Variants in CYP24A1 observed in about 807,000 individuals in gnomAD.
The protein encoded by CYP24A1 is cytochrome P450 family 24 subfamily A member 1.
CYP24A1 carries 68 observed loss-of-function variants against 62.4 expected under a neutral mutation model. That is an observed-to-expected ratio of 1.09 (90% CI 0.90 to 1.33). The LOEUF is 1.33. Ranked by LOEUF, CYP24A1 falls within the 40% of genes most tolerant of loss-of-function variation. The pLI, the probability that CYP24A1 is intolerant of heterozygous loss-of-function variation, is 0.00. For missense variants in CYP24A1, 787 were observed against 653.0 expected, an observed-to-expected ratio of 1.21 and a Z score of -2.24; for synonymous variants, 267 against 253.0, an observed-to-expected ratio of 1.06 and a Z score of -0.52.
At chr20:54,167,729 C>T (rs927456796) in intron 4 of CYP24A1, among the ~76,000 whole-genome samples, 5 of 152,130 alleles carry the variant, frequency 3.3e-5, no homozygotes, top group Middle Eastern at 3.4e-3. Flanking sequence ...GCCGAGATCA[C>T]GCCGCTGCAC....
rs776602386 is a variant in CYP24A1, at chr20:54,159,113, C to T, written c.1001G>A (p.Ser334Asn). The change falls in exon 8 of 12, where the codon AGT (serine) becomes AAT (asparagine). Residue 334 changes from serine to asparagine, a missense_variant. Physicochemically the swap from Ser to Asn is conservative, Grantham distance 46. Transcript: ENST00000216862. ...TAAATTGTAGAGAATCCACATTAGA[C>T]TGTTTGCTGTCTGCAAGCCAAATGG... The part of the protein sequence containing the change: ...QLAAVETTAN[S>N]LMWILYNLSR... The T allele has an allele frequency of 6.2e-7, 1 of 1,613,340 alleles. No homozygotes were observed. Among genetic ancestry groups the T allele is most frequent in the Non-Finnish European group, 8.5e-7 (1 of 1,179,278 alleles).
At chr20:54,169,539 T>A in intron 4 of CYP24A1, 53 bp downstream of exon 4, 1 of 1,613,228 alleles carries the variant, frequency 6.2e-7, no homozygotes, top group African/African-American at 1.3e-5. Context: ...AGCCATGTTT[T>A]ATCCGCAAAA....
the CYP24A1 span, among the ~76,000 whole-genome samples, chr20:54,147,518 C>T: frequency 6.6e-6 from 1 of 152,292 alleles, no homozygotes; most frequent in South Asian, 2.1e-4. Flanking sequence ...GCTCAGGGGC[C>T]ACACAGACCA....
At position 54,157,219 on chromosome 20, in the gene CYP24A1, A is replaced by C; in HGVS notation, c.1505T>G (p.Val502Gly). Residue 502 changes from valine (V) to glycine (G), a missense_variant, in exon 11 of 12, where the codon GTG becomes GGG. By Grantham distance (109) the Val-to-Gly change is moderately radical. Coordinates refer to ENST00000216862, the MANE Select transcript of CYP24A1 (RefSeq NM_000782.5). Reference protein sequence around the residue: ...PVEMLHSGTLVPSRELPIAFC... With the variant: ...PVEMLHSGTLGPSRELPIAFC... ...CGCGATGGGGAGTTCCCGGCTGGGCACCAGGGTGCCTGAGTGTAGCATCTC... is the reference window on the plus strand; with the variant it reads ...CGCGATGGGGAGTTCCCGGCTGGGCCCCAGGGTGCCTGAGTGTAGCATCTC... 1.2e-6 allele frequency: 2 copies of C among 1,613,196 alleles called. No homozygotes were observed. The highest frequency in any genetic ancestry group is 3.3e-5 in the Admixed American group (2 of 60,030).
In CYP24A1 at chr20:54,173,034, G is replaced by A; in HGVS notation, c.324C>T (p.His108=). The A allele has an allele frequency of 6.2e-7, 1 of 1,609,824 alleles. No homozygotes were observed. Among genetic ancestry groups the A allele is most frequent in the Non-Finnish European group, 8.5e-7 (1 of 1,180,018 alleles). Residue 108 remains histidine (H), a synonymous_variant, in exon 2 of 12, where the codon CAC becomes CAT. Transcript: ENST00000216862. This position sits in a 1 kb window ranked among gnomAD's most constrained non-coding sequence, Gnocchi z 7.2. The part of the protein sequence containing the change: ...RMKLGSFESV[H]LGSPCLLEAL... ...CTTCCAGCAGGCATGGCGAGCCCAG[G>A]TGCACCGACTCAAAGGAACCCAACT...
intron 4 of CYP24A1, among the ~76,000 whole-genome samples, chr20:54,168,829 T>G (rs2092682618): frequency 1.7e-5 from 1 of 60,308 alleles, no homozygotes. Context: ...CTTCCTTCCT[T>G]CCCTCCCTCC....
chr20:54,147,829 C>A, the CYP24A1 span, among the ~76,000 whole-genome samples: 1 of 152,120 alleles, frequency 6.6e-6, no homozygotes, highest in South Asian at 2.1e-4. Context: ...CTGCTTCCAG[C>A]ACTCAGTTCT....
At chr20:54,148,324 G>GGTTTTGTCCTTCTTTTTCTCTCTTTT in the CYP24A1 span, among the ~76,000 whole-genome samples, 1 of 147,408 alleles carries the variant, frequency 6.8e-6, no homozygotes, top group Non-Finnish European at 1.5e-5. Flanking sequence ...TTACTACTTT[G>GGTTTTGTCCTTCTTTTTCTCTCTTTT]GTTTTGTCCT....
chr20:54,148,534 A>G (rs745389556), downstream of CYP24A1, among the ~76,000 whole-genome samples: 5 of 152,182 alleles, frequency 3.3e-5, no homozygotes, highest in Non-Finnish European at 5.9e-5. Context: ...GACTTCTTGA[A>G]GAAACAGATG....
chr20:54,172,738 A>G, intron 2 of CYP24A1, 171 bp downstream of exon 2: 1 of 1,451,702 alleles, frequency 6.9e-7, no homozygotes, highest in African/African-American at 1.4e-5. Flanking sequence ...ACCGACTCTA[A>G]TCTGTACAAG....
intron 4 of CYP24A1, among the ~76,000 whole-genome samples, chr20:54,168,789 T>C (rs2092682116): frequency 1.2e-5 from 1 of 85,590 alleles, no homozygotes; most frequent in Non-Finnish European, 2.3e-5. Context: ...CCTCCCTCCC[T>C]TCTGCCTTCC....
intron 2 of CYP24A1, 124 bp from the exon 3 acceptor site, chr20:54,171,794 TAGCCAGAGAATA>T: frequency 6.3e-7 from 1 of 1,576,734 alleles, no homozygotes; most frequent in East Asian, 2.3e-5. Flanking sequence ...TGCCAAGAAA[TAGCCAGAGAATA>T]TTAGCATCAG....
At chr20:54,165,092 C>T (rs958596464) in intron 5 of CYP24A1, among the ~76,000 whole-genome samples, 4 of 152,216 alleles carry the variant, frequency 2.6e-5, no homozygotes, top group South Asian at 4.1e-4. Context: ...CTTTATGTTA[C>T]GTGCATATAT....
rs531371253 is a variant in CYP24A1 at position 54,162,703 on chromosome 20, C to T, written c.990+14G>A. 3.2e-6 allele frequency: 5 copies of T among 1,564,788 alleles called. No individual in the cohort carries two copies. The highest frequency in any genetic ancestry group is 2.7e-5 in the African/African-American group (2 of 73,592). ...ACCGTTCATTTAGCAAACTCAAATC[C>T]AGCCCACCCTTACCGTTTCCACCGC... On this transcript the variant is annotated intron_variant, in intron 7 of 11. Transcript: ENST00000216862.
chr20:54,157,275 G>T lies in CYP24A1; in HGVS notation c.1449C>A (p.Tyr483Ter). Residue 483 changes from tyrosine (Y) to a stop codon, truncating the protein, a stop_gained, in exon 11 of 12, where the codon TAC becomes TAA. Transcript: ENST00000216862. LOFTEE classifies it high-confidence loss of function. ...GCTCATTGTCTGTGGCCTGGATGTC[G>T]TATTTGCGGACAATCTGTAATGCAC... is the stretch of plus-strand genomic sequence containing the variant. ...HLALCWIVRKYDIQATDNEPV... is the reference protein window; with the variant it reads ...HLALCWIVRK The T allele has an allele frequency of 1.2e-6, 2 of 1,607,964 alleles. No individual in the cohort carries two copies. Among genetic ancestry groups the T allele is most frequent in the South Asian group, 1.1e-5 (1 of 90,892 alleles).
rs1452816673 is a variant in CYP24A1, at chr20:54,173,484, C to T, written c.96G>A (p.Ala32=). The part of the protein sequence containing the change: ...RQPPRLVTST[A]YTSPQPREVP... Reference sequence around the variant, plus strand: ...CCTCTCGCGGCTGAGGGGACGTGTACGCCGTAGATGTCACCAGTCTCGGGG... The same window carrying T: ...CCTCTCGCGGCTGAGGGGACGTGTATGCCGTAGATGTCACCAGTCTCGGGG... The change falls in exon 1 of 12, where the codon GCG becomes GCA. Residue 32 remains alanine, a synonymous_variant. Coordinates refer to ENST00000216862, the MANE Select transcript of CYP24A1 (RefSeq NM_000782.5). The surrounding 1 kb of genome is among the most constrained non-coding windows in gnomAD (Gnocchi z 7.2). 1.3e-6 allele frequency: 2 copies of T among 1,565,518 alleles called. No homozygotes were observed. The highest frequency in any genetic ancestry group is 1.7e-6 in the Non-Finnish European group (2 of 1,155,194).
chr20:54,171,531 C>T, intron 3 of CYP24A1, 46 bp downstream of exon 3: 1 of 1,613,592 alleles, frequency 6.2e-7, no homozygotes, highest in Non-Finnish European at 8.5e-7. Flanking sequence ...CACCAATATC[C>T]CTATGTCCCC....
intron 3 of CYP24A1, among the ~76,000 whole-genome samples, chr20:54,171,041 AC>A (rs1353064260): frequency 6.6e-6 from 1 of 152,180 alleles, no homozygotes; most frequent in Non-Finnish European, 1.5e-5. Context: ...CTCTGAACAC[AC>A]CACGTCATTT....
Position 54,159,006 on chromosome 20 carries a change from CTTCTGCCCGTGGCACCTGA to C in CYP24A1, c.1089_1107del (p.Asn363LysfsTer3). 4 of 1,614,124 alleles carry C rather than the reference CTTCTGCCCGTGGCACCTGA, an allele frequency of 2.5e-6. No individual in the cohort carries two copies. Among genetic ancestry groups the C allele is most frequent in the Non-Finnish European group, 3.4e-6 (4 of 1,180,032 alleles). On this transcript the variant is annotated frameshift_variant, in exon 8 of 12. Coordinates refer to ENST00000216862, the MANE Select transcript of CYP24A1 (RefSeq NM_000782.5). LOFTEE classifies it high-confidence loss of function. ...TTTAAATACGGCATATTCCTCAAAT[CTTCTGCCCGTGGCACCTGA>C]TTCTCAGGTAATACACTTTGAATTT...
Sources: allele counts gnomAD v4.1 joint callset (sites outside exome capture counted in the v4.1 genomes callset), GRCh38; gene constraint gnomAD v4.1.1; non-coding constraint Gnocchi (gnomAD v3.1); transcripts MANE v1.5; gene names NCBI Gene and HGNC (gene_info 2026-07-23, HGNC 2026-07-21).